Variants in DRAXIN observed in about 807,000 individuals in gnomAD.
DRAXIN encodes the protein dorsal inhibitory axon guidance protein.
A neutral mutation model predicts 33.9 loss-of-function variants in DRAXIN; 27 were observed. The ratio of observed to expected loss-of-function variants is 0.80; its 90% CI spans 0.59 to 1.10. The LOEUF (loss-of-function observed/expected upper bound fraction) is 1.10, where lower values mean the gene tolerates loss of function less well. Among genes scored for constraint, DRAXIN ranks in the 50% least tolerant of loss-of-function variants. The probability of loss-of-function intolerance (pLI) is 0.00; values close to 1 mark genes in which losing one functional copy is unlikely to be tolerated. For synonymous variants in DRAXIN, 178 were observed against 194.0 expected, an observed-to-expected ratio of 0.92 and a Z score of 0.69; for missense variants, 371 against 460.8, an observed-to-expected ratio of 0.81 and a Z score of 1.78.
chr1:11,693,175 T>G (rs1641115300), intron 1 of DRAXIN, among the ~76,000 whole-genome samples: 1 of 151,988 alleles, frequency 6.6e-6, no homozygotes, highest in African/African-American at 2.4e-5. Flanking sequence ...TTGCTTGTCC[T>G]AAAATCAGCT....
At position 11,720,571 on chromosome 1, in the gene DRAXIN, G is replaced by A. The variant is rs371918183; in HGVS notation, c.*875G>A. On this transcript the variant is annotated 3_prime_UTR_variant, in exon 7 of 7. Coordinates refer to ENST00000294485, the MANE Select transcript of DRAXIN (RefSeq NM_198545.4). The stretch of plus-strand genomic sequence containing the variant: ...TCGTGCCACTGCACTCCAGCCTGGG[G>A]GACAAGAGTGAAACTCCATCTCAAA... 38 of 131,036 alleles carry A rather than the reference G, an allele frequency of 2.9e-4. No homozygotes were observed. Among genetic ancestry groups the A allele is most frequent in the African/African-American group, 1.0e-3 (34 of 32,800 alleles). 8.1% of individuals were successfully genotyped at this position (131,036 alleles called of 1,614,324 possible).
Position 11,702,657 on chromosome 1 carries a change from G to A in DRAXIN, c.-10-3592G>A, listed in dbSNP as rs111823387. Among the ~76,000 whole-genome samples the A allele has an allele frequency of 8.9e-4, 133 of 150,172 alleles. 1 individual carries two copies. The highest frequency in any genetic ancestry group is 2.8e-3 in the African/African-American group (115 of 40,770). On this transcript the variant is annotated intron_variant, in intron 1 of 6. Coordinates refer to ENST00000294485, the MANE Select transcript of DRAXIN (RefSeq NM_198545.4). ...ATGCTCACACATGCTCCACACACAC[G>A]TCATGCTCACACATACATGCCAGAT...
intron 1 of DRAXIN, among the ~76,000 whole-genome samples, chr1:11,703,222 A>G (rs1430632283): frequency 6.6e-6 from 1 of 152,210 alleles, no homozygotes; most frequent in Non-Finnish European, 1.5e-5. Flanking sequence ...AAAATGACAC[A>G]CGAGGTCTTC....
At chr1:11,714,694 C>T (rs914318317) in intron 5 of DRAXIN, among the ~76,000 whole-genome samples, 4 of 152,278 alleles carry the variant, frequency 2.6e-5, no homozygotes, top group African/African-American at 7.2e-5. Context: ...GCCGACTGGA[C>T]AGTCGCTCTG....
chr1:11,721,138 A>T lies in DRAXIN; in HGVS notation c.*1442A>T, dbSNP rs1041410193. 1 of 152,216 alleles carries T rather than the reference A, an allele frequency of 6.6e-6. No homozygotes were observed. The highest frequency in any genetic ancestry group is 1.5e-5 in the Non-Finnish European group (1 of 68,054). The allele number at this position is 152,216 out of a possible 1,614,324, so 9.4% of individuals were successfully genotyped here. ...TCTGATGCAAGCATGGAATCCAAAA[A>T]AACCCCACACATATTGCCCATGTTT... On this transcript the variant is annotated 3_prime_UTR_variant, in exon 7 of 7. Coordinates refer to ENST00000294485, the MANE Select transcript of DRAXIN (RefSeq NM_198545.4).
In DRAXIN at chr1:11,721,466, G is replaced by A. The variant is rs1641658753; in HGVS notation, c.*1770G>A. The A allele has an allele frequency of 1.3e-5, 2 of 152,138 alleles. No homozygotes were observed. Among genetic ancestry groups the A allele is most frequent in the South Asian group, 2.1e-4 (1 of 4,830 alleles). The allele number at this position is 152,138 out of a possible 1,614,324, so 9.4% of individuals were successfully genotyped here. A position where few individuals can be genotyped will look rare whatever the true frequency, so the allele number is the denominator to read the frequency against. ...GTTGCAAATGACAAAAGACTTTCCTGGCCAAATTCCTCACTGGCCTGGATC... is the reference window on the plus strand; with the variant it reads ...GTTGCAAATGACAAAAGACTTTCCTAGCCAAATTCCTCACTGGCCTGGATC... On this transcript the variant is annotated 3_prime_UTR_variant, in exon 7 of 7. Transcript: ENST00000294485.
At chr1:11,717,794 G>A (rs187347252) in intron 6 of DRAXIN, among the ~76,000 whole-genome samples, 1 of 137,190 alleles carries the variant, frequency 7.3e-6, no homozygotes, top group East Asian at 2.2e-4. Flanking sequence ...ACCAGCCTTG[G>A]CAAGGTAGAG....
At chr1:11,713,593 A>T (rs1364130042) in intron 5 of DRAXIN, among the ~76,000 whole-genome samples, 1 of 152,100 alleles carries the variant, frequency 6.6e-6, no homozygotes, top group African/African-American at 2.4e-5. Flanking sequence ...TACTGAGGTA[A>T]GTTAGAAGTG....
upstream of DRAXIN, among the ~76,000 whole-genome samples, chr1:11,689,621 G>A (rs748265021): frequency 5.9e-5 from 9 of 152,098 alleles, no homozygotes; most frequent in Non-Finnish European, 1.3e-4. Flanking sequence ...GCGGGGGGAG[G>A]GGAGAAGCAT....
rs368354624 is a variant in DRAXIN, at chr1:11,708,169, G to A, written c.452-1106G>A. 5.8e-4 allele frequency among the ~76,000 whole-genome samples: 88 copies of A among 152,344 alleles called. 1 individual carries two copies. The South Asian group carries it at 0.018, about 31-fold the overall frequency. ...CTTTGAGGACAGCTAGAGGGCACGC[G>A]TGGGGTGTGGACCCGTCCTGCTGGG... On this transcript the variant is annotated intron_variant, in intron 2 of 6. Transcript: ENST00000294485.
Position 11,709,342 on chromosome 1 carries a change from G to T in DRAXIN, c.519G>T (p.Leu173=). 6.2e-7 allele frequency: 1 copy of T among 1,614,022 alleles called. No individual in the cohort carries two copies. The part of the protein sequence containing the change: ...KKAELSEAQV[L]DAAMEESSTS... The stretch of plus-strand genomic sequence containing the variant: ...CAGAGCTCTCCGAAGCCCAGGTGCT[G>T]GATGCAGCCATGGAGGAATCCTCCA... The change falls in exon 3 of 7, where the codon CTG becomes CTT. Residue 173 remains leucine, a synonymous_variant. Transcript: ENST00000294485.
chr1:11,693,215 T>A (rs1464283422), intron 1 of DRAXIN, among the ~76,000 whole-genome samples: 1 of 152,038 alleles, frequency 6.6e-6, no homozygotes, highest in African/African-American at 2.4e-5. Context: ...GGTCACTTTT[T>A]TTCAAAATGA....
At chr1:11,719,467 T>G (rs1570322664) in intron 6 of DRAXIN, 117 bp from the exon 7 acceptor site, 3 of 857,064 alleles carry the variant, frequency 3.5e-6, no homozygotes, top group South Asian at 1.6e-5. Context: ...GGAAGCTGGG[T>G]TGTAGGGCAG....
rs374833602 is a variant in DRAXIN, at chr1:11,706,473, C to G, written c.215C>G (p.Pro72Arg). The change falls in exon 2 of 7, where the codon CCC becomes CGC. Residue 72 changes from proline (P) to arginine (R), a missense_variant. By Grantham distance (103) the Pro-to-Arg change is moderately radical. Transcript: ENST00000294485. The surrounding 1 kb of genome is among the most constrained non-coding windows in gnomAD (Gnocchi z 5.5). ...AAGAAGGAGTGGGGCCCAGGCCTGC[C>G]CAGCCAGGCCCAGGATGGGGCTGTG... is the stretch of plus-strand genomic sequence containing the variant. ...PGKKEWGPGL[P>R]SQAQDGAVVT... The G allele has an allele frequency of 5.0e-6, 8 of 1,610,778 alleles. No individual in the cohort carries two copies. The highest frequency in any genetic ancestry group is 6.8e-6 in the Non-Finnish European group (8 of 1,178,894).
chr1:11,697,684 C>T (rs1641212711), intron 1 of DRAXIN, among the ~76,000 whole-genome samples: 1 of 152,174 alleles, frequency 6.6e-6, no homozygotes, highest in Non-Finnish European at 1.5e-5. Flanking sequence ...TGGTTCTGCA[C>T]ACAGAGGGGC....
chr1:11,710,539 C>T (rs1430194823), intron 3 of DRAXIN, among the ~76,000 whole-genome samples: 1 of 151,294 alleles, frequency 6.6e-6, no homozygotes, highest in Non-Finnish European at 1.5e-5. Context: ...GCAAATGTGG[C>T]AAAAACACTA....
Position 11,699,445 on chromosome 1 carries a change from G to A in DRAXIN, c.-10-6804G>A, listed in dbSNP as rs768600492. Among the ~76,000 whole-genome samples the A allele has an allele frequency of 3.8e-4, 58 of 151,726 alleles. 2 individuals carry two copies. The highest frequency in any genetic ancestry group is 1.3e-4 in the Non-Finnish European group (9 of 67,980). On this transcript the variant is annotated intron_variant, in intron 1 of 6. Transcript: ENST00000294485. ...GGCTTCTCCCACCTAGATTCTGTGCGACCACTGCTTTGCCCCAGTTTATAA... is the reference window on the plus strand; with the variant it reads ...GGCTTCTCCCACCTAGATTCTGTGCAACCACTGCTTTGCCCCAGTTTATAA...
At chr1:11,690,133 C>T (rs1641034483), upstream of DRAXIN, among the ~76,000 whole-genome samples, 1 of 152,146 alleles carries the variant, frequency 6.6e-6, no homozygotes, top group Admixed American at 6.6e-5. This position sits in a 1 kb window ranked among gnomAD's most constrained non-coding sequence, Gnocchi z 4.2. Context: ...CACTAATCAC[C>T]ACCTGACATC....
At chr1:11,719,563 C>A (rs566203498) in intron 6 of DRAXIN, 21 bp from the exon 7 acceptor site, 3 of 1,597,092 alleles carry the variant, frequency 1.9e-6, no homozygotes, top group African/African-American at 1.3e-5. Context: ...CCTCTGACCC[C>A]CCTTGCCTCC....
Sources: gnomAD v4.1 joint callset for allele counts (sites outside exome capture counted in the v4.1 genomes callset) on GRCh38, gnomAD v4.1.1 for gene constraint, Gnocchi (gnomAD v3.1) non-coding constraint, MANE v1.5 for transcripts, NCBI Gene and HGNC (gene_info 2026-07-23, HGNC 2026-07-21) for gene names.